The following ATP11A variants were observed in gnomAD, a reference collection of about 807,000 sequenced individuals.
ATP11A encodes ATPase phospholipid transporting 11A, also known as phospholipid-transporting ATPase IH.
In ATP11A, 81 loss-of-function variants were observed where a neutral mutation model predicts 154.4. The ratio of observed to expected loss-of-function variants is 0.52; its 90% CI spans 0.44 to 0.63. The LOEUF (loss-of-function observed/expected upper bound fraction) is 0.63. Ranked by LOEUF, ATP11A falls within the 30% of genes least tolerant of loss-of-function variation. ATP11A has a pLI of 0.00. For missense variants in ATP11A, 1,316 were observed against 1,474.3 expected, an observed-to-expected ratio of 0.89 and a Z score of 1.76; for synonymous variants, 623 against 585.9, an observed-to-expected ratio of 1.06 and a Z score of -0.91.
chr13:112,813,842 G>C (rs2140174026), intron 5 of ATP11A, among the ~76,000 whole-genome samples: 1 of 152,000 alleles, frequency 6.6e-6, no homozygotes, highest in Non-Finnish European at 1.5e-5. Flanking sequence ...TTTGACATCT[G>C]CATATCCTTG....
rs908292579 is a variant in ATP11A, at chr13:112,802,443, C to A, written c.163-2514C>A. Among the ~76,000 whole-genome samples, 85 of 151,630 alleles carry A rather than the reference C, an allele frequency of 5.6e-4. 1 individual carries two copies. The highest frequency in any genetic ancestry group is 1.2e-3 in the Admixed American group (18 of 15,234). On this transcript the variant is annotated intron_variant, in intron 2 of 29. Transcript: ENST00000375645. The stretch of plus-strand genomic sequence containing the variant: ...AGTAAATCCACCCAGATAGTCAACC[C>A]ATTCACCCAGATAGTCAACCCATCT...
Position 112,842,023 on chromosome 13 carries a change from G to A in ATP11A, c.1706-253G>A, listed in dbSNP as rs141635814. Among the ~76,000 whole-genome samples, 477 of 152,272 alleles carry A rather than the reference G, an allele frequency of 3.1e-3. 7 individuals are homozygous for A. Among genetic ancestry groups the A allele is most frequent in the African/African-American group, 0.011 (454 of 41,550 alleles). On this transcript the variant is annotated intron_variant, in intron 16 of 29. Transcript: ENST00000375645. ...TTTCCCAGAGAAAAAACAGAGTCCCGGAGCCAAGTTCTTTTCCTCGTTCCT... is the reference window on the plus strand; with the variant it reads ...TTTCCCAGAGAAAAAACAGAGTCCCAGAGCCAAGTTCTTTTCCTCGTTCCT...
intron 5 of ATP11A, among the ~76,000 whole-genome samples, chr13:112,812,769 C>T (rs1042029773): frequency 6.6e-6 from 1 of 152,214 alleles, no homozygotes; most frequent in Non-Finnish European, 1.5e-5. Context: ...CAGCTTTTCC[C>T]TTCAGTGAGT....
chr13:112,760,642 A>G (rs1021495345), intron 1 of ATP11A, among the ~76,000 whole-genome samples: 13 of 152,188 alleles, frequency 8.5e-5, no homozygotes, highest in African/African-American at 2.9e-4. Context: ...CTTCTTGCTC[A>G]GAGGCTGGAA....
In ATP11A at chr13:112,763,253, G is replaced by A. The variant is rs187126072; in HGVS notation, c.40-21882G>A. On this transcript the variant is annotated intron_variant, in intron 1 of 29. Coordinates refer to ENST00000375645, the MANE Select transcript of ATP11A (RefSeq NM_015205.3). ...CGGAATGGACCTGCATCTTGGCCAA[G>A]GGGACCCCAAGGAAATGGGAAAGGC... is the stretch of plus-strand genomic sequence containing the variant. Among the ~76,000 whole-genome samples the A allele has an allele frequency of 7.9e-3, 1,210 of 152,266 alleles. 6 individuals are homozygous for A. The highest frequency in any genetic ancestry group is 0.041 in the Middle Eastern group (12 of 294).
chr13:112,710,773 C>T (rs1376378694), intron 1 of ATP11A, among the ~76,000 whole-genome samples: 1 of 150,880 alleles, frequency 6.6e-6, no homozygotes, highest in East Asian at 1.9e-4. Flanking sequence ...TAATGAAAAT[C>T]ATTTTAAAAA....
intron 16 of ATP11A, among the ~76,000 whole-genome samples, chr13:112,836,751 C>T (rs996245050): frequency 2.6e-5 from 4 of 152,244 alleles, no homozygotes; most frequent in African/African-American, 9.6e-5. Flanking sequence ...ACACTCGGTT[C>T]GTGCTCCGGA....
chr13:112,841,362 G>A (rs1321645086), intron 16 of ATP11A, among the ~76,000 whole-genome samples: 1 of 146,770 alleles, frequency 6.8e-6, no homozygotes, highest in South Asian at 2.2e-4. Flanking sequence ...GGCTCTGTGT[G>A]TCGGGAGCAC....
At chr13:112,712,736 G>C (rs1001624822) in intron 1 of ATP11A, among the ~76,000 whole-genome samples, 2 of 152,174 alleles carry the variant, frequency 1.3e-5, no homozygotes, top group Non-Finnish European at 2.9e-5. Flanking sequence ...GTGAGGGCCA[G>C]TTCCAGCCAG....
chr13:112,780,473 A>C, intron 1 of ATP11A, among the ~76,000 whole-genome samples: 1 of 152,180 alleles, frequency 6.6e-6, no homozygotes, highest in East Asian at 1.9e-4. Flanking sequence ...TTCTGTCCCC[A>C]CGCGTGTTGC....
At chr13:112,825,695 T>A in intron 11 of ATP11A, 115 bp downstream of exon 11, 1 of 1,246,780 alleles carries the variant, frequency 8.0e-7, no homozygotes, top group Non-Finnish European at 1.1e-6. Flanking sequence ...AGCAGCTTGA[T>A]TGATTCAGTC....
Position 112,785,776 on chromosome 13 carries a change from C to T in ATP11A, c.162+519C>T, listed in dbSNP as rs1022708254. Among the ~76,000 whole-genome samples the T allele has an allele frequency of 3.9e-5, 6 of 152,198 alleles. No individual in the cohort carries two copies. Among genetic ancestry groups the T allele is most frequent in the African/African-American group, 9.6e-5 (4 of 41,452 alleles). The stretch of plus-strand genomic sequence containing the variant: ...GCAGAGTGCCGCGGTCTAAACGAAG[C>T]GTGTTTCTCTCCATGGACTAGAGCG... On this transcript the variant is annotated intron_variant, in intron 2 of 29. Transcript: ENST00000375645. The surrounding 1 kb of genome is among the most constrained non-coding windows in gnomAD (Gnocchi z 4.8).
intron 1 of ATP11A, among the ~76,000 whole-genome samples, chr13:112,700,184 A>G (rs551358460): frequency 1.3e-5 from 2 of 152,270 alleles, no homozygotes; most frequent in East Asian, 3.9e-4. Flanking sequence ...TGAATTATGC[A>G]TTCGACAAGG....
At chr13:112,840,814 C>T (rs2079391867) in intron 16 of ATP11A, among the ~76,000 whole-genome samples, 1 of 152,064 alleles carries the variant, frequency 6.6e-6, no homozygotes, top group African/African-American at 2.4e-5. Flanking sequence ...CTCGTCCAAG[C>T]TCCAGGCCTT....
rs914106408 is a variant in ATP11A at position 112,696,177 on chromosome 13, C to T, written c.39+5722C>T. Among the ~76,000 whole-genome samples the T allele has an allele frequency of 6.6e-6, 1 of 152,186 alleles. No homozygotes were observed. The highest frequency in any genetic ancestry group is 1.5e-5 in the Non-Finnish European group (1 of 68,034). On this transcript the variant is annotated intron_variant, in intron 1 of 29. Coordinates refer to ENST00000375645, the MANE Select transcript of ATP11A (RefSeq NM_015205.3). The surrounding 1 kb of genome is among the most constrained non-coding windows in gnomAD (Gnocchi z 6.2). ...GTCTGTGCAGTGACGGGACAGGTCACGGCGCTCGTGCACGCTGGGTGCCCA... is the reference window on the plus strand; with the variant it reads ...GTCTGTGCAGTGACGGGACAGGTCATGGCGCTCGTGCACGCTGGGTGCCCA...
chr13:112,852,638 AG>A (rs1269703443), intron 18 of ATP11A, among the ~76,000 whole-genome samples: 1 of 151,870 alleles, frequency 6.6e-6, no homozygotes, highest in Non-Finnish European at 1.5e-5. Flanking sequence ...TTGCCTGGGG[AG>A]CAGCTGGGTC....
intron 1 of ATP11A, among the ~76,000 whole-genome samples, chr13:112,736,991 G>C (rs1283788069): frequency 3.3e-5 from 5 of 152,076 alleles, no homozygotes; most frequent in African/African-American, 9.7e-5. Context: ...TCAGAAAACT[G>C]TTTGGCAGTT....
chr13:112,714,138 C>T (rs1268673530), intron 1 of ATP11A, among the ~76,000 whole-genome samples: 1 of 143,084 alleles, frequency 7.0e-6, no homozygotes, highest in Non-Finnish European at 1.5e-5. Context: ...CAACTCCCTT[C>T]CACTCCTCCC....
At chr13:112,773,315 C>G (rs373414821) in intron 1 of ATP11A, among the ~76,000 whole-genome samples, 1 of 152,162 alleles carries the variant, frequency 6.6e-6, no homozygotes, top group Non-Finnish European at 1.5e-5. Context: ...CGTGGTGTCA[C>G]CCTGCCCTTC....
Sources: gnomAD v4.1 joint callset for allele counts (sites outside exome capture counted in the v4.1 genomes callset) on GRCh38, gnomAD v4.1.1 for gene constraint, Gnocchi (gnomAD v3.1) non-coding constraint, MANE v1.5 for transcripts, NCBI Gene and HGNC (gene_info 2026-07-23, HGNC 2026-07-21) for gene names.